NSL1: variants seen among roughly 807,000 people sequenced by gnomAD.
The protein encoded by NSL1 is kinetochore-associated protein NSL1 homolog.
In NSL1, 11 loss-of-function variants were observed where a neutral mutation model predicts 25.4. The ratio of observed to expected loss-of-function variants is 0.43; its 90% confidence interval spans 0.27 to 0.72. The LOEUF is 0.72. Ranked by LOEUF, NSL1 falls within the 30% of genes least tolerant of loss-of-function variation. The probability of loss-of-function intolerance (pLI) is 0.19; values close to 1 mark genes in which losing one functional copy is unlikely to be tolerated. For synonymous variants in NSL1, 118 were observed against 120.6 expected, an observed-to-expected ratio of 0.98 and a Z score of 0.14; for missense variants, 330 against 342.7, an observed-to-expected ratio of 0.96 and a Z score of 0.29.
At chr1:212,778,295 G>A (rs961847252) in intron 4 of NSL1, among the ~76,000 whole-genome samples, 2 of 152,120 alleles carry the variant, frequency 1.3e-5, no homozygotes, top group African/African-American at 4.8e-5. Flanking sequence ...CTTTATCTTT[G>A]TATCCCCCAA....
At chr1:212,775,276 A>G (rs1660309992) in intron 4 of NSL1, among the ~76,000 whole-genome samples, 1 of 152,212 alleles carries the variant, frequency 6.6e-6, no homozygotes, top group Admixed American at 6.5e-5. Context: ...ATGGCTAAGG[A>G]GTGTTGGGTT....
chr1:212,774,900 T>C (rs1358187598), intron 4 of NSL1, among the ~76,000 whole-genome samples: 10 of 152,230 alleles, frequency 6.6e-5, no homozygotes, highest in Admixed American at 6.5e-4. Context: ...GCATCATTCG[T>C]AGTAGCCAAA....
intron 4 of NSL1, chr1:212,764,103 G>T: frequency 3.1e-6 from 1 of 324,726 alleles, no homozygotes; most frequent in East Asian, 1.0e-4. Context: ...GTGGAATAAA[G>T]CTGGAAATCA....
At chr1:212,753,399 C>T (rs1013422867) in intron 4 of NSL1, among the ~76,000 whole-genome samples, 4 of 152,208 alleles carry the variant, frequency 2.6e-5, no homozygotes, top group Admixed American at 6.5e-5. Context: ...TCTAGCTCTT[C>T]CCTCTGCTTG....
chr1:212,745,160 C>CAAACTATATATA (rs1268799355), intron 4 of NSL1, among the ~76,000 whole-genome samples: 4 of 117,690 alleles, frequency 3.4e-5, no homozygotes, highest in East Asian at 2.7e-4. Flanking sequence ...AACAAACAAA[C>CAAACTATATATA]TATATATATA....
chr1:212,728,935 C>G lies in NSL1; in HGVS notation c.*9473G>C, dbSNP rs752380239. The G allele has an allele frequency of 2.6e-5, 26 of 985,142 alleles. No individual in the cohort carries two copies. In the African/African-American group the frequency reaches 4.4e-4, roughly 17 times the overall value. 61.0% of individuals were successfully genotyped at this position (985,142 alleles called of 1,614,324 possible). On this transcript the variant is annotated 3_prime_UTR_variant, in exon 6 of 6. Coordinates refer to ENST00000366977, the MANE Select transcript of NSL1 (RefSeq NM_015471.4). The stretch of plus-strand genomic sequence containing the variant: ...AGCAGTGTTTATTTGTGTGTTTGAA[C>G]GTTTGTTCCCTTTGAATATGAAAGA...
In NSL1 at chr1:212,730,721, T is replaced by G. The variant is rs540267278; in HGVS notation, c.*7687A>C. On this transcript the variant is annotated 3_prime_UTR_variant, in exon 6 of 6. Coordinates refer to ENST00000366977, the MANE Select transcript of NSL1 (RefSeq NM_015471.4). ...TCTGCTCTTATGTCCTGCAGGGATA[T>G]GGGAATTAGACTTAGTTCTAGTAGA... The G allele has an allele frequency of 2.0e-4, 199 of 985,436 alleles. 1 individual carries two copies. The African/African-American group carries it at 3.2e-3, about 16-fold the overall frequency. The allele number at this position is 985,436 out of a possible 1,614,324, so 61.0% of individuals were successfully genotyped here.
At chr1:212,766,267 T>C (rs890044155) in intron 4 of NSL1, 2 of 633,662 alleles carry the variant, frequency 3.2e-6, no homozygotes, top group Non-Finnish European at 2.8e-6. Flanking sequence ...AGCATTCCCG[T>C]TGAGAACTGG....
chr1:212,756,914 A>G, intron 4 of NSL1, among the ~76,000 whole-genome samples: 1 of 152,174 alleles, frequency 6.6e-6, no homozygotes, highest in East Asian at 1.9e-4. Flanking sequence ...GGGAAGAGGA[A>G]AATAAGGAGA....
intron 4 of NSL1, among the ~76,000 whole-genome samples, chr1:212,761,856 G>A (rs1269936837): frequency 6.6e-6 from 1 of 151,306 alleles, no homozygotes; most frequent in African/African-American, 2.4e-5. Context: ...ACAATTGAGA[G>A]CTTCAGAAAC....
chr1:212,726,278 A>T lies in NSL1; in HGVS notation c.*12130T>A, dbSNP rs1409462952. On this transcript the variant is annotated 3_prime_UTR_variant, in exon 6 of 6. Transcript: ENST00000366977. ...GGTTAGCTCTCTGGAAGAAAATGAA[A>T]GGATCAGATGTCCCCCATAAACAAC... The T allele has an allele frequency of 6.6e-6, 1 of 152,250 alleles. No homozygotes were observed. The highest frequency in any genetic ancestry group is 1.5e-5 in the Non-Finnish European group (1 of 68,064). 9.4% of individuals were successfully genotyped at this position (152,250 alleles called of 1,614,324 possible).
intron 4 of NSL1, among the ~76,000 whole-genome samples, chr1:212,762,023 C>A (rs1401781466): frequency 6.7e-6 from 1 of 150,110 alleles, no homozygotes; most frequent in African/African-American, 2.5e-5. Context: ...TACAGCTGGG[C>A]GCGGTGGCTC....
intron 4 of NSL1, among the ~76,000 whole-genome samples, chr1:212,747,296 C>T (rs908995989): frequency 2.0e-5 from 3 of 152,202 alleles, no homozygotes; most frequent in African/African-American, 7.2e-5. Flanking sequence ...AAAAAGACAA[C>T]TTCTGTCTTG....
intron 4 of NSL1, among the ~76,000 whole-genome samples, chr1:212,749,340 T>G (rs1007332129): frequency 5.0e-4 from 2 of 3,966 alleles, no homozygotes; most frequent in African/African-American, 1.5e-3. Flanking sequence ...TTTTATTGTG[T>G]TTTTTTTTTT....
rs534411847 is a variant in NSL1 at position 212,780,305 on chromosome 1, G to GC, written c.499+2066dup. Among the ~76,000 whole-genome samples, 10 of 152,190 alleles carry GC rather than the reference G, an allele frequency of 6.6e-5. No homozygotes were observed. The South Asian group carries it at 2.1e-3, about 32-fold the overall frequency. ...TTTGTTAAACAGATGCTTGAAGGCA[G>GC]CGTGCTCGTTGAGAGTCATCACCAC... On this transcript the variant is annotated intron_variant, in intron 4 of 5. Coordinates refer to ENST00000366977, the MANE Select transcript of NSL1 (RefSeq NM_015471.4).
chr1:212,768,567 C>A (rs1017359417), intron 4 of NSL1, among the ~76,000 whole-genome samples: 4 of 152,110 alleles, frequency 2.6e-5, no homozygotes, highest in Non-Finnish European at 4.4e-5. Flanking sequence ...TAATAGCATT[C>A]GCAGCAACCT....
At position 212,732,942 on chromosome 1, in the gene NSL1, A is replaced by G. The variant is rs1046360394; in HGVS notation, c.*5466T>C. Among the ~76,000 whole-genome samples the G allele has an allele frequency of 1.3e-5, 2 of 152,202 alleles. No homozygotes were observed. Among genetic ancestry groups the G allele is most frequent in the Non-Finnish European group, 2.9e-5 (2 of 68,042 alleles). On this transcript the variant is annotated 3_prime_UTR_variant, in exon 6 of 6. Coordinates refer to ENST00000366977, the MANE Select transcript of NSL1 (RefSeq NM_015471.4). ...TTTAGGATTGTTGTTTAGTAATCTG[A>G]TGCCATTCCAATTCCTCTTGGTATT...
intron 4 of NSL1, among the ~76,000 whole-genome samples, chr1:212,746,350 T>C (rs1658795238): frequency 6.6e-6 from 1 of 152,162 alleles, no homozygotes; most frequent in South Asian, 2.1e-4. Context: ...AACTACATTG[T>C]TATAAATTTC....
In NSL1 at chr1:212,738,476, G is replaced by A. The variant is rs775832603; in HGVS notation, c.778C>T (p.Gln260Ter). The change falls in exon 6 of 6, where the codon CAA (glutamine) becomes TAA (stop). Residue 260 changes from glutamine to a stop codon, truncating the protein, a stop_gained. Coordinates refer to ENST00000366977, the MANE Select transcript of NSL1 (RefSeq NM_015471.4). LOFTEE classifies it high-confidence loss of function. ...KTSDMVLKRKQTKDCPQRKWY... is the reference protein window; with the variant it reads ...KTSDMVLKRK ...TTTCTCTGGGGGCAGTCTTTAGTTT[G>A]CTTTCTTTTCAGTACCATGTCAGAG... 6.2e-7 allele frequency: 1 copy of A among 1,613,878 alleles called. No individual in the cohort carries two copies. Among genetic ancestry groups the A allele is most frequent in the Non-Finnish European group, 8.5e-7 (1 of 1,179,988 alleles).
Sources: allele counts gnomAD v4.1 joint callset (sites outside exome capture counted in the v4.1 genomes callset), GRCh38; gene constraint gnomAD v4.1.1; transcripts MANE v1.5; gene names NCBI Gene and HGNC (gene_info 2026-07-23, HGNC 2026-07-21).